The following KCNC2 variants were observed in gnomAD, a reference collection of about 807,000 sequenced individuals.
The protein encoded by KCNC2 is voltage-gated potassium channel KCNC2.
Under a neutral mutation model 44.5 loss-of-function variants are expected in KCNC2, and 21 were observed. The observed-to-expected ratio is 0.47, with a 90% confidence interval of 0.33 to 0.68. The LOEUF (loss-of-function observed/expected upper bound fraction) is 0.68, where lower values mean the gene tolerates loss of function less well. KCNC2 is among the 30% of genes least tolerant of loss of function. KCNC2 has a pLI of 0.01. For synonymous variants in KCNC2, 391 were observed against 339.1 expected (o/e 1.15, Z -1.68); for missense variants, 589 against 826.2 (o/e 0.71, Z 3.52).
intron 2 of KCNC2, among the ~76,000 whole-genome samples, chr12:75,061,876 A>T (rs1225094952): frequency 1.3e-5 from 2 of 152,082 alleles, no homozygotes; most frequent in African/African-American, 4.8e-5. Context: ...TCTGAGAAGC[A>T]TCAGGAAAGG....
rs191867393 is a variant in KCNC2 at position 75,114,180 on chromosome 12, G to A, written c.688-62863C>T. On this transcript the variant is annotated intron_variant, in intron 2 of 4. Transcript: ENST00000549446. Reference sequence around the variant, plus strand: ...AATCTATAAAATATTCAACCAACATGAGAGTGCTTTTGACTTTTTGGCTTA... The same window carrying A: ...AATCTATAAAATATTCAACCAACATAAGAGTGCTTTTGACTTTTTGGCTTA... Among the ~76,000 whole-genome samples, 13 of 152,282 alleles carry A rather than the reference G, an allele frequency of 8.5e-5. No homozygotes were observed. In the East Asian group the frequency reaches 2.3e-3, roughly 27 times the overall value.
chr12:75,132,516 CA>C (rs1888926434), intron 2 of KCNC2, among the ~76,000 whole-genome samples: 1 of 151,962 alleles, frequency 6.6e-6, no homozygotes, highest in South Asian at 2.1e-4. Flanking sequence ...ACTATTGGAA[CA>C]AAACAAAATT....
intron 2 of KCNC2, among the ~76,000 whole-genome samples, chr12:75,146,809 T>A (rs977121071): frequency 6.6e-5 from 10 of 152,232 alleles, no homozygotes; most frequent in African/African-American, 2.4e-4. Flanking sequence ...TGTCATTACA[T>A]GTATTAATCA....
At chr12:75,156,252 T>A (rs1209434325) in intron 2 of KCNC2, among the ~76,000 whole-genome samples, 2 of 151,766 alleles carry the variant, frequency 1.3e-5, no homozygotes, top group African/African-American at 2.4e-5. Flanking sequence ...TCGAAACATT[T>A]TTTTTTTGTA....
In KCNC2 at chr12:75,208,027, G is replaced by A. The variant is rs75821730; in HGVS notation, c.-19-25C>T. On this transcript the variant is annotated intron_variant, in intron 1 of 4. Coordinates refer to ENST00000549446, the MANE Select transcript of KCNC2 (RefSeq NM_139137.4). ...ACTAGGGGGAGGCAAACACAGCGCC[G>A]AGTTAAAGATCTTAGCCGTCAAAGA... The A allele has an allele frequency of 9.4e-3, 15,150 of 1,607,300 alleles. 339 individuals carry two copies. In the East Asian group the frequency reaches 0.1, roughly 11 times the overall value.
At position 75,042,571 on chromosome 12, in the gene KCNC2, A is replaced by C. The variant is rs1592744105; in HGVS notation, c.*534T>G. ...CGACCAATGCTTTCATATCAGCAGG[A>C]TGGTTCGATGCAAGTACACATATCC... On this transcript the variant is annotated 3_prime_UTR_variant, in exon 5 of 5. Transcript: ENST00000549446. 14 of 1,381,124 alleles carry C rather than the reference A, an allele frequency of 1.0e-5. No homozygotes were observed. The East Asian group carries it at 3.6e-4, about 35-fold the overall frequency. The allele number at this position is 1,381,124 out of a possible 1,614,324, so 85.6% of individuals were successfully genotyped here.
At chr12:75,099,008 T>A (rs73185201) in intron 2 of KCNC2, among the ~76,000 whole-genome samples, 116 of 152,286 alleles carry the variant, frequency 7.6e-4, no homozygotes, top group Non-Finnish European at 1.2e-3. Flanking sequence ...TTTCACTGCA[T>A]GTGGCAAGTG....
chr12:75,069,425 C>G (rs968446654), intron 2 of KCNC2, among the ~76,000 whole-genome samples: 1 of 151,934 alleles, frequency 6.6e-6, no homozygotes, highest in Non-Finnish European at 1.5e-5. Context: ...TGTGATCCAC[C>G]GTGCTCGGCC....
At chr12:75,159,182 T>C (rs1320476139) in intron 2 of KCNC2, among the ~76,000 whole-genome samples, 1 of 151,524 alleles carries the variant, frequency 6.6e-6, no homozygotes, top group African/African-American at 2.4e-5. Context: ...GACGGGCTGA[T>C]GGGGGCAGCA....
At chr12:75,064,460 G>T (rs550434843) in intron 2 of KCNC2, among the ~76,000 whole-genome samples, 1 of 152,030 alleles carries the variant, frequency 6.6e-6, no homozygotes, top group East Asian at 1.9e-4. Flanking sequence ...GGATTACAAG[G>T]CTGAGTATAA....
chr12:75,152,286 A>G (rs1351205943), intron 2 of KCNC2, among the ~76,000 whole-genome samples: 3 of 151,530 alleles, frequency 2.0e-5, no homozygotes, highest in Non-Finnish European at 1.5e-5. Context: ...AAAGAGTATC[A>G]AAATGAATAA....
chr12:75,144,620 T>TTG (rs71650077), intron 2 of KCNC2, among the ~76,000 whole-genome samples: 36,582 of 146,444 alleles, frequency 0.25, 4,577 homozygotes, highest in Middle Eastern at 0.4. Flanking sequence ...GGGTGTACTT[T>TTG]TGTGTGTGTG....
chr12:75,159,014 TA>T (rs1890944052), intron 2 of KCNC2, among the ~76,000 whole-genome samples: 1 of 150,296 alleles, frequency 6.7e-6, no homozygotes, highest in Non-Finnish European at 1.5e-5. Flanking sequence ...GTAACACTGT[TA>T]AGAAATATCT....
In KCNC2 at chr12:75,070,299, A is replaced by T. The variant is rs537745866; in HGVS notation, c.688-18982T>A. 2.0e-5 allele frequency among the ~76,000 whole-genome samples: 3 copies of T among 152,124 alleles called. No individual in the cohort carries two copies. The East Asian group carries it at 5.8e-4, about 29-fold the overall frequency. On this transcript the variant is annotated intron_variant, in intron 2 of 4. Coordinates refer to ENST00000549446, the MANE Select transcript of KCNC2 (RefSeq NM_139137.4). ...ACCCCATCTCTACTAAAAATACAAA[A>T]AATTAGCCAGTCATGGTGGTGCCTG...
chr12:75,190,705 A>G (rs73187137), intron 2 of KCNC2, among the ~76,000 whole-genome samples: 11,858 of 152,238 alleles, frequency 0.078, 542 homozygotes, highest in Admixed American at 0.14. Context: ...AGTTCCATAA[A>G]GAAATTGGAA....
chr12:75,056,769 G>C (rs575263849), intron 2 of KCNC2, among the ~76,000 whole-genome samples: 2 of 152,130 alleles, frequency 1.3e-5, no homozygotes, highest in South Asian at 4.1e-4. Context: ...TTGATGGTAT[G>C]TCTGTAATAT....
intron 2 of KCNC2, among the ~76,000 whole-genome samples, chr12:75,102,228 T>A (rs1315201144): frequency 6.6e-6 from 1 of 152,056 alleles, no homozygotes; most frequent in Admixed American, 6.6e-5. Context: ...TATTTCTATG[T>A]ATGCATAAGA....
intron 2 of KCNC2, among the ~76,000 whole-genome samples, chr12:75,053,224 T>A (rs1476495419): frequency 6.6e-6 from 1 of 150,786 alleles, no homozygotes; most frequent in African/African-American, 2.4e-5. Flanking sequence ...CTACCTAAAA[T>A]CTTTTGTCAT....
chr12:75,141,848 C>T (rs1889676662), intron 2 of KCNC2, among the ~76,000 whole-genome samples: 2 of 152,058 alleles, frequency 1.3e-5, no homozygotes, highest in Non-Finnish European at 1.5e-5. Flanking sequence ...AAACAATAAA[C>T]AATAGCTAAC....
Sources: allele counts gnomAD v4.1 joint callset (sites outside exome capture counted in the v4.1 genomes callset), GRCh38; gene constraint gnomAD v4.1.1; transcripts MANE v1.5; gene names NCBI Gene and HGNC (gene_info 2026-07-23, HGNC 2026-07-21).